Variants in NTRK2 observed in about 807,000 individuals in gnomAD.
The protein encoded by NTRK2 is BDNF/NT-3 growth factors receptor.
In NTRK2, 13 loss-of-function variants were observed where a neutral mutation model predicts 94.5. The observed-to-expected ratio is 0.14, with a 90% CI of 0.09 to 0.22. NTRK2 has a LOEUF of 0.22. NTRK2 is among the 10% of genes least tolerant of loss of function. NTRK2 has a pLI of 1.00. For missense variants in NTRK2, 639 were observed against 1,071.2 expected (o/e 0.60, Z 5.63); for synonymous variants, 372 against 407.4 (o/e 0.91, Z 1.05).
chr9:84,991,079 G>A (rs943464881), intron 17 of NTRK2, among the ~76,000 whole-genome samples: 7 of 152,150 alleles, frequency 4.6e-5, no homozygotes, highest in African/African-American at 7.2e-5. Flanking sequence ...GGATGGATTC[G>A]TCCCTTCCCT....
intron 12 of NTRK2, among the ~76,000 whole-genome samples, chr9:84,761,450 C>G (rs1378769677): frequency 6.6e-6 from 1 of 152,096 alleles, no homozygotes; most frequent in Non-Finnish European, 1.5e-5. Flanking sequence ...CCTGGATTGC[C>G]TGTAAATGAA....
chr9:84,854,213 G>C (rs1197533402), intron 12 of NTRK2, among the ~76,000 whole-genome samples: 4 of 152,072 alleles, frequency 2.6e-5, no homozygotes, highest in Non-Finnish European at 4.4e-5. Context: ...CTTTGGGATG[G>C]GATAACTCTA....
At chr9:84,739,667 G>A (rs1405843790) in intron 9 of NTRK2, among the ~76,000 whole-genome samples, 4 of 152,112 alleles carry the variant, frequency 2.6e-5, no homozygotes, top group African/African-American at 7.2e-5. Flanking sequence ...TCTCACATGC[G>A]GTGGGGGTCT....
chr9:84,876,694 C>T (rs142591291), intron 14 of NTRK2: 1 of 1,060,218 alleles, frequency 9.4e-7, no homozygotes, highest in African/African-American at 1.6e-5. Context: ...AACTATGATG[C>T]TAATGATCAC....
chr9:84,967,297 G>A (rs1466694343), intron 17 of NTRK2, among the ~76,000 whole-genome samples: 1 of 152,190 alleles, frequency 6.6e-6, no homozygotes, highest in African/African-American at 2.4e-5. Context: ...AAGGAGCTGG[G>A]GCTCCCAGGC....
At chr9:84,902,143 C>T (rs1234834486) in intron 14 of NTRK2, among the ~76,000 whole-genome samples, 1 of 150,986 alleles carries the variant, frequency 6.6e-6, no homozygotes, top group Non-Finnish European at 1.5e-5. Context: ...CTGCAGGGAC[C>T]TGAGATCATG....
chr9:84,854,087 A>T (rs888925894), intron 12 of NTRK2, among the ~76,000 whole-genome samples: 3 of 151,804 alleles, frequency 2.0e-5, no homozygotes, highest in African/African-American at 7.3e-5. Context: ...AAAAAAAAGA[A>T]AAGAAAAGAA....
chr9:84,968,961 A>G (rs569092507), intron 17 of NTRK2, among the ~76,000 whole-genome samples: 25 of 152,286 alleles, frequency 1.6e-4, no homozygotes, highest in South Asian at 4.1e-4. Flanking sequence ...GCATGGGCCC[A>G]AGATGTTGCT....
intron 17 of NTRK2, among the ~76,000 whole-genome samples, chr9:85,016,084 G>T (rs77066668): frequency 6.6e-6 from 1 of 152,162 alleles, no homozygotes; most frequent in African/African-American, 2.4e-5. Flanking sequence ...GAAATTCTTC[G>T]TAAATGTTGA....
chr9:84,999,165 G>A (rs1389731173), intron 17 of NTRK2, among the ~76,000 whole-genome samples: 1 of 151,338 alleles, frequency 6.6e-6, no homozygotes, highest in Non-Finnish European at 1.5e-5. Context: ...GTCCATTTGA[G>A]CGTCTGTTTT....
intron 14 of NTRK2, among the ~76,000 whole-genome samples, chr9:84,893,721 G>A (rs1458716476): frequency 6.6e-6 from 1 of 152,204 alleles, no homozygotes; most frequent in Admixed American, 6.5e-5. Flanking sequence ...TTCAAAGCAT[G>A]CAATGTGACC....
At chr9:84,787,838 G>A (rs2068278575) in intron 12 of NTRK2, among the ~76,000 whole-genome samples, 1 of 152,180 alleles carries the variant, frequency 6.6e-6, no homozygotes, top group African/African-American at 2.4e-5. Context: ...ATGGAGAGGT[G>A]ATCTAACTTA....
At chr9:84,928,554 C>T (rs1202345029) in intron 14 of NTRK2, among the ~76,000 whole-genome samples, 1 of 152,070 alleles carries the variant, frequency 6.6e-6, no homozygotes, top group Non-Finnish European at 1.5e-5. Flanking sequence ...AATCAGTGTC[C>T]TCTATTTCAG....
intron 12 of NTRK2, among the ~76,000 whole-genome samples, chr9:84,769,541 A>G (rs1045049215): frequency 3.9e-5 from 6 of 152,228 alleles, no homozygotes; most frequent in African/African-American, 1.4e-4. Flanking sequence ...TTGACGATAC[A>G]ATTCAATTCA....
chr9:84,797,766 TA>T (rs2069704421), intron 12 of NTRK2, among the ~76,000 whole-genome samples: 3 of 19,824 alleles, frequency 1.5e-4, no homozygotes, highest in East Asian at 1.2e-3. Flanking sequence ...TATACTATAA[TA>T]ATATATATAA....
Position 84,750,209 on chromosome 9 carries a change from T to TCCCCCTCGTTGTGACAA in NTRK2, c.1297-1772_1297-1756dup, listed in dbSNP as rs375367827. Among the ~76,000 whole-genome samples the TCCCCCTCGTTGTGACAA allele has an allele frequency of 4.1e-3, 629 of 152,154 alleles. 9 individuals are homozygous for TCCCCCTCGTTGTGACAA. Among genetic ancestry groups the TCCCCCTCGTTGTGACAA allele is most frequent in the African/African-American group, 0.014 (601 of 41,478 alleles). On this transcript the variant is annotated intron_variant, in intron 11 of 18. Coordinates refer to ENST00000277120, the MANE Select transcript of NTRK2 (RefSeq NM_006180.6). Reference sequence around the variant, plus strand: ...TACCCACTAGGTGCTAGTAGTACTTTCCCCCTCGTTGTGACAACCCCAAAT... The same window carrying TCCCCCTCGTTGTGACAA: ...TACCCACTAGGTGCTAGTAGTACTTTCCCCCTCGTTGTGACAACCCCCTCGTTGTGACAACCCCAAAT...
intron 12 of NTRK2, among the ~76,000 whole-genome samples, chr9:84,758,267 T>A (rs1263956091): frequency 6.6e-6 from 1 of 152,104 alleles, no homozygotes; most frequent in Non-Finnish European, 1.5e-5. Flanking sequence ...CCATTTAAGT[T>A]GTGTCTTGCT....
intron 2 of NTRK2, among the ~76,000 whole-genome samples, chr9:84,690,730 TA>T (rs886321791): frequency 8.6e-5 from 13 of 150,730 alleles, no homozygotes; most frequent in African/African-American, 3.2e-4. Flanking sequence ...AAAAAAAAAA[TA>T]AAAAAAATGA....
chr9:84,670,748 G>A lies in NTRK2; in HGVS notation c.-1G>A. The A allele has an allele frequency of 6.2e-7, 1 of 1,612,470 alleles. No individual in the cohort carries two copies. Among genetic ancestry groups the A allele is most frequent in the Non-Finnish European group, 8.5e-7 (1 of 1,180,016 alleles). Reference sequence around the variant, plus strand: ...ACTCGGGCTGGCACTGGCTGCTAGGGATGTCGTCCTGGATAAGGTGGCATG... The same window carrying A: ...ACTCGGGCTGGCACTGGCTGCTAGGAATGTCGTCCTGGATAAGGTGGCATG... On this transcript the variant is annotated 5_prime_UTR_variant, in exon 2 of 19. Transcript: ENST00000277120.
Sources: allele counts gnomAD v4.1 joint callset (sites outside exome capture counted in the v4.1 genomes callset), GRCh38; gene constraint gnomAD v4.1.1; transcripts MANE v1.5; gene names NCBI Gene and HGNC (gene_info 2026-07-23, HGNC 2026-07-21).